SATB2: variants seen among roughly 807,000 people sequenced by gnomAD.
The protein encoded by SATB2 is SATB homeobox 2.
Under a neutral mutation model 73.4 loss-of-function variants are expected in SATB2, and 1 was observed. The ratio of observed to expected loss-of-function variants is 0.01; its 90% CI spans 0.00 to 0.06. SATB2 has a LOEUF of 0.06. Among genes scored for constraint, SATB2 ranks in the 10% least tolerant of loss-of-function variants. The pLI is 1.00. For missense variants in SATB2, 459 were observed against 945.8 expected (o/e 0.49, Z 6.75); for synonymous variants, 397 against 367.0 (o/e 1.08, Z -0.93).
chr2:199,358,602 A>G (rs1052769130), intron 6 of SATB2, among the ~76,000 whole-genome samples: 11 of 152,208 alleles, frequency 7.2e-5, no homozygotes, highest in African/African-American at 2.7e-4. Context: ...AGATATTCAG[A>G]GCCAACTTGT....
chr2:199,470,591 G>A (rs1449497052), intron 1 of SATB2: 5 of 152,338 alleles, frequency 3.3e-5, no homozygotes, highest in Admixed American at 6.5e-5. Context: ...TTTGTTAAAT[G>A]TATGGCTGCT....
At chr2:199,274,604 G>A (rs915372889) in intron 10 of SATB2, among the ~76,000 whole-genome samples, 3 of 152,164 alleles carry the variant, frequency 2.0e-5, no homozygotes, top group Non-Finnish European at 2.9e-5. Context: ...ATAATAAGCT[G>A]ACGGCTAGTG....
intron 3 of SATB2, among the ~76,000 whole-genome samples, chr2:199,389,133 T>C (rs1690047655): frequency 1.3e-5 from 2 of 152,080 alleles, no homozygotes; most frequent in African/African-American, 2.4e-5. Context: ...AAGACATAAA[T>C]TGTAGTTATT....
At position 199,272,585 on chromosome 2, in the gene SATB2, T is replaced by C. The variant is rs1048433974; in HGVS notation, c.1828A>G (p.Ser610Gly). 6.2e-6 allele frequency: 10 copies of C among 1,614,024 alleles called. No homozygotes were observed. The African/African-American group carries it at 1.1e-4, about 17-fold the overall frequency. Residue 610 changes from serine (S) to glycine (G), a missense_variant, in exon 11 of 11, where the codon AGT becomes GGT. By Grantham distance (56) the Ser-to-Gly change is moderately conservative (BLOSUM62 0). This residue lies in a region of SATB2 where 74 missense variants were observed against 136.1 expected (regional missense o/e 0.54). Transcript: ENST00000417098. The surrounding 1 kb of genome is among the most constrained non-coding windows in gnomAD (Gnocchi z 6.7). ...APPPPPPTED[S>G]CAKKPRSRTK... ...CGAGACCGGGGCTTTTTGGCACAAC[T>C]GTCTTCAGTCGGAGGAGGTGGGGGA...
chr2:199,356,434 C>T (rs1240793112), intron 6 of SATB2, among the ~76,000 whole-genome samples: 1 of 151,992 alleles, frequency 6.6e-6, no homozygotes, highest in East Asian at 1.9e-4. Context: ...AAAAAAGATA[C>T]TCGAGCATAT....
intron 9 of SATB2, among the ~76,000 whole-genome samples, chr2:199,312,026 G>A (rs1425871529): frequency 6.7e-6 from 1 of 150,356 alleles, no homozygotes. Flanking sequence ...ATCCAAGAAA[G>A]TTTTGCAGTA....
At chr2:199,284,845 T>TC (rs894570743) in intron 10 of SATB2, among the ~76,000 whole-genome samples, 5 of 152,156 alleles carry the variant, frequency 3.3e-5, no homozygotes, top group Non-Finnish European at 7.4e-5. Flanking sequence ...TTGTCATTAT[T>TC]CCCCAAACAA....
intron 1 of SATB2, 54 bp from the exon 2 acceptor site, chr2:199,456,150 C>T: frequency 1.0e-6 from 1 of 1,002,138 alleles, no homozygotes; most frequent in Non-Finnish European, 1.5e-6. Flanking sequence ...GGGAAAACCG[C>T]TCATACACGT....
intron 6 of SATB2, among the ~76,000 whole-genome samples, chr2:199,360,285 G>T (rs1319792515): frequency 6.6e-6 from 1 of 152,038 alleles, no homozygotes; most frequent in Admixed American, 6.6e-5. Flanking sequence ...TTCTTTGTCA[G>T]CCCCCATCAC....
intron 3 of SATB2, among the ~76,000 whole-genome samples, chr2:199,388,625 AG>A (rs551094017): frequency 6.6e-6 from 1 of 152,210 alleles, no homozygotes; most frequent in Non-Finnish European, 1.5e-5. Context: ...CTTTTATTCC[AG>A]GTGCATTTTA....
At chr2:199,302,240 TA>T (rs1437199015) in intron 10 of SATB2, among the ~76,000 whole-genome samples, 15 of 152,126 alleles carry the variant, frequency 9.9e-5, no homozygotes, top group Admixed American at 2.0e-4. Context: ...TGATTATCAC[TA>T]AAGGAAACCT....
At chr2:199,393,944 G>A (rs1329863252) in intron 3 of SATB2, among the ~76,000 whole-genome samples, 1 of 152,028 alleles carries the variant, frequency 6.6e-6, no homozygotes, top group African/African-American at 2.4e-5. Context: ...CCAGCCGACT[G>A]CACTTCTTCC....
intron 3 of SATB2, among the ~76,000 whole-genome samples, chr2:199,424,387 C>T (rs577663920): frequency 7.9e-4 from 120 of 152,286 alleles, no homozygotes; most frequent in Admixed American, 2.6e-3. Flanking sequence ...AAACCACCAC[C>T]GAGCTCTTCT....
chr2:199,377,835 T>C (rs1689649018), intron 5 of SATB2, among the ~76,000 whole-genome samples: 1 of 151,872 alleles, frequency 6.6e-6, no homozygotes, highest in South Asian at 2.1e-4. Context: ...GAAAAAGATT[T>C]TAGATGGAGA....
intron 2 of SATB2, among the ~76,000 whole-genome samples, chr2:199,447,581 A>T (rs1305811695): frequency 6.6e-6 from 1 of 152,162 alleles, no homozygotes; most frequent in Non-Finnish European, 1.5e-5. Flanking sequence ...ACAAAAAAAA[A>T]GGAGGGGGAG....
chr2:199,361,645 C>T (rs555944847), intron 6 of SATB2, among the ~76,000 whole-genome samples: 1 of 152,046 alleles, frequency 6.6e-6, no homozygotes, highest in Non-Finnish European at 1.5e-5. Context: ...CAAGGATTCT[C>T]AAAATACGTC....
chr2:199,365,182 T>C (rs1175129603), intron 6 of SATB2, among the ~76,000 whole-genome samples: 2 of 152,094 alleles, frequency 1.3e-5, no homozygotes, highest in Admixed American at 1.3e-4. Context: ...CTATTAATAT[T>C]GGTCTTTTTT....
chr2:199,334,916 TC>T (rs1170492945), intron 7 of SATB2, among the ~76,000 whole-genome samples: 1 of 152,032 alleles, frequency 6.6e-6, no homozygotes, highest in Non-Finnish European at 1.5e-5. Context: ...GAGAGGCATT[TC>T]CCCCTCAGTT....
chr2:199,437,187 C>A (rs1691678737), intron 2 of SATB2, among the ~76,000 whole-genome samples: 1 of 152,106 alleles, frequency 6.6e-6, no homozygotes, highest in South Asian at 2.1e-4. Flanking sequence ...AACTTTGAAC[C>A]TTCTGATCAT....
Sources: gnomAD v4.1 joint callset for allele counts (sites outside exome capture counted in the v4.1 genomes callset) on GRCh38, gnomAD v4.1.1 for gene constraint, gnomAD v4.1.1 regional missense constraint, Gnocchi (gnomAD v3.1) non-coding constraint, MANE v1.5 for transcripts, NCBI Gene and HGNC (gene_info 2026-07-23, HGNC 2026-07-21) for gene names.